Variants in MAML2 observed in about 807,000 individuals in gnomAD.
The protein encoded by MAML2 is mastermind like transcriptional coactivator 2, also known as mastermind-like protein 2.
A neutral mutation model predicts 96.1 loss-of-function variants in MAML2; 22 were observed. That is an observed-to-expected ratio of 0.23 (90% confidence interval 0.16 to 0.33). The LOEUF (loss-of-function observed/expected upper bound fraction) is 0.33. Among genes scored for constraint, MAML2 ranks in the 10% least tolerant of loss-of-function variants. MAML2 has a pLI of 1.00. For synonymous variants in MAML2, 561 were observed against 521.3 expected, an observed-to-expected ratio of 1.08 and a Z score of -1.04; for missense variants, 1,367 against 1,392.4, an observed-to-expected ratio of 0.98 and a Z score of 0.29.
At chr11:96,121,950 C>CTTTTTTTTTTTTTTTTTTTT (rs71040130) in intron 1 of MAML2, among the ~76,000 whole-genome samples, 2 of 56,848 alleles carry the variant, frequency 3.5e-5, no homozygotes, top group Non-Finnish European at 6.0e-5. Context: ...CCACGCCCGG[C>CTTTTTTTTTTTTTTTTTTTT]TTTTTTTTTT....
chr11:96,260,507 G>A (rs918947784), intron 1 of MAML2, among the ~76,000 whole-genome samples: 1 of 152,166 alleles, frequency 6.6e-6, no homozygotes, highest in Non-Finnish European at 1.5e-5. Context: ...GATAGGAGAG[G>A]GGTGTGCTTT....
At chr11:96,137,538 G>A (rs1860654638) in intron 1 of MAML2, among the ~76,000 whole-genome samples, 1 of 152,198 alleles carries the variant, frequency 6.6e-6, no homozygotes, top group East Asian at 1.9e-4. Flanking sequence ...GCCAGAAAGA[G>A]TTTCCTCACA....
intron 1 of MAML2, among the ~76,000 whole-genome samples, chr11:96,133,729 C>T (rs748167210): frequency 2.6e-5 from 4 of 152,214 alleles, no homozygotes; most frequent in Non-Finnish European, 4.4e-5. Flanking sequence ...CATGGGGGCT[C>T]ATGCCTATAA....
At chr11:96,285,602 T>C (rs1035532324) in intron 1 of MAML2, among the ~76,000 whole-genome samples, 2 of 152,018 alleles carry the variant, frequency 1.3e-5, no homozygotes, top group African/African-American at 4.8e-5. Flanking sequence ...ATCCAGAGTC[T>C]ACAAGGAACT....
intron 1 of MAML2, among the ~76,000 whole-genome samples, chr11:96,188,784 G>A (rs1861610578): frequency 6.6e-6 from 1 of 151,880 alleles, no homozygotes; most frequent in African/African-American, 2.4e-5. Flanking sequence ...CACAGAGTGT[G>A]GGCAGAAGGA....
chr11:96,121,593 A>G (rs1397614756), intron 1 of MAML2, among the ~76,000 whole-genome samples: 1 of 151,856 alleles, frequency 6.6e-6, no homozygotes, highest in African/African-American at 2.4e-5. Context: ...ATTAATCATA[A>G]TGAACTCATC....
intron 1 of MAML2, among the ~76,000 whole-genome samples, chr11:96,244,122 G>C (rs1315667306): frequency 1.3e-5 from 2 of 152,176 alleles, no homozygotes; most frequent in African/African-American, 4.8e-5. Context: ...AAAACTTGGG[G>C]CTGTGCGGCC....
chr11:96,003,867 A>G (rs537430), intron 2 of MAML2, among the ~76,000 whole-genome samples: 35,973 of 152,028 alleles, frequency 0.24, 4,576 homozygotes, highest in East Asian at 0.39. Flanking sequence ...ATGGTAGCAT[A>G]GTATTTATAG....
At chr11:96,151,721 A>G (rs1353613507) in intron 1 of MAML2, among the ~76,000 whole-genome samples, 2 of 152,098 alleles carry the variant, frequency 1.3e-5, no homozygotes, top group Non-Finnish European at 2.9e-5. Context: ...GCCTTTCACC[A>G]TGAATAAAAC....
At chr11:96,283,189 C>A (rs530815251) in intron 1 of MAML2, among the ~76,000 whole-genome samples, 6 of 152,248 alleles carry the variant, frequency 3.9e-5, no homozygotes, top group African/African-American at 1.4e-4. Flanking sequence ...GGGGGTTTTT[C>A]TTTTTCATTC....
At chr11:95,999,141 C>T (rs1027983010) in intron 2 of MAML2, among the ~76,000 whole-genome samples, 4 of 152,170 alleles carry the variant, frequency 2.6e-5, no homozygotes, top group Non-Finnish European at 5.9e-5. Flanking sequence ...CACCACTAAC[C>T]TTTTCTTTAA....
intron 1 of MAML2, among the ~76,000 whole-genome samples, chr11:96,254,756 T>C (rs1295299695): frequency 6.6e-6 from 1 of 152,204 alleles, no homozygotes; most frequent in Non-Finnish European, 1.5e-5. Flanking sequence ...GCTGAAATTT[T>C]TGCAATGTAA....
chr11:96,162,430 T>C (rs1861123678), intron 1 of MAML2, among the ~76,000 whole-genome samples: 1 of 152,020 alleles, frequency 6.6e-6, no homozygotes, highest in African/African-American at 2.4e-5. Flanking sequence ...AATAAAAAGA[T>C]AGGCTGGGCA....
chr11:96,295,377 A>T (rs1863278832), intron 1 of MAML2, among the ~76,000 whole-genome samples: 1 of 152,216 alleles, frequency 6.6e-6, no homozygotes, highest in Non-Finnish European at 1.5e-5. Context: ...TTGTAAGCCC[A>T]GATTCACACC....
chr11:96,079,820 T>C (rs1486013502), intron 2 of MAML2, among the ~76,000 whole-genome samples: 3 of 151,628 alleles, frequency 2.0e-5, no homozygotes, highest in African/African-American at 4.9e-5. Flanking sequence ...AGGAAAGGAG[T>C]GAAGAGACTC....
At chr11:96,124,949 C>T (rs1193309345) in intron 1 of MAML2, among the ~76,000 whole-genome samples, 1 of 152,224 alleles carries the variant, frequency 6.6e-6, no homozygotes, top group Non-Finnish European at 1.5e-5. Flanking sequence ...GTGTCATCCA[C>T]TGGTAAGAAT....
At chr11:96,008,099 G>A (rs986422262) in intron 2 of MAML2, among the ~76,000 whole-genome samples, 6 of 151,930 alleles carry the variant, frequency 3.9e-5, no homozygotes, top group Non-Finnish European at 5.9e-5. Context: ...GTTTTACCTG[G>A]GAGTACTTAT....
At chr11:96,191,443 C>T (rs1267016819) in intron 1 of MAML2, among the ~76,000 whole-genome samples, 2 of 129,782 alleles carry the variant, frequency 1.5e-5, no homozygotes, top group African/African-American at 3.0e-5. Context: ...CCAGCCTGGG[C>T]GACAGAGCGA....
At chr11:96,204,755 G>A (rs1200710651) in intron 1 of MAML2, among the ~76,000 whole-genome samples, 1 of 152,204 alleles carries the variant, frequency 6.6e-6, no homozygotes, top group Non-Finnish European at 1.5e-5. Context: ...CTTAGTAGCA[G>A]AGAGAGAGGA....
Sources: gnomAD v4.1 joint callset for allele counts (sites outside exome capture counted in the v4.1 genomes callset) on GRCh38, gnomAD v4.1.1 for gene constraint, MANE v1.5 for transcripts, NCBI Gene and HGNC (gene_info 2026-07-23, HGNC 2026-07-21) for gene names.